Variants in DACH1 observed in about 807,000 individuals in gnomAD.
DACH1 encodes the protein dachshund family transcription factor 1, also known as dachshund homolog 1.
DACH1 carries 12 observed loss-of-function variants against 54.2 expected under a neutral mutation model. That is an observed-to-expected ratio of 0.22 (90% CI 0.14 to 0.36). DACH1 has a LOEUF of 0.36. Among genes scored for constraint, DACH1 ranks in the 10% least tolerant of loss-of-function variants. The pLI is 1.00. For missense variants in DACH1, 805 were observed against 929.8 expected (o/e 0.87, Z 1.75); for synonymous variants, 386 against 366.2 (o/e 1.05, Z -0.62).
At chr13:71,837,189 C>T (rs780758928) in intron 1 of DACH1, among the ~76,000 whole-genome samples, 8 of 151,866 alleles carry the variant, frequency 5.3e-5, no homozygotes, top group Non-Finnish European at 7.4e-5. Flanking sequence ...TATACTTCCT[C>T]ATTTGGAATT....
chr13:71,849,632 C>T (rs1873530440), intron 1 of DACH1, among the ~76,000 whole-genome samples: 1 of 152,148 alleles, frequency 6.6e-6, no homozygotes, highest in Non-Finnish European at 1.5e-5. Context: ...TGGCCTGACT[C>T]CTTATTTCCC....
intron 1 of DACH1, among the ~76,000 whole-genome samples, chr13:71,697,228 G>A (rs1466124821): frequency 6.6e-6 from 1 of 152,070 alleles, no homozygotes; most frequent in South Asian, 2.1e-4. Context: ...GTAGGGACTC[G>A]ATAAATATTT....
At chr13:71,720,677 T>C (rs1196828638) in intron 1 of DACH1, among the ~76,000 whole-genome samples, 1 of 152,210 alleles carries the variant, frequency 6.6e-6, no homozygotes, top group African/African-American at 2.4e-5. Flanking sequence ...AAGTGCATTA[T>C]ATAAATGTCT....
intron 4 of DACH1, among the ~76,000 whole-genome samples, chr13:71,565,262 C>G (rs1217316826): frequency 6.6e-6 from 1 of 152,098 alleles, no homozygotes; most frequent in Non-Finnish European, 1.5e-5. Flanking sequence ...TTGACCAGCA[C>G]TTTATATAAC....
intron 1 of DACH1, among the ~76,000 whole-genome samples, chr13:71,826,343 A>C (rs1888378331): frequency 6.6e-6 from 1 of 152,078 alleles, no homozygotes; most frequent in Admixed American, 6.6e-5. Flanking sequence ...AGTCTTTCCT[A>C]CTTTTCAAGA....
intron 6 of DACH1, among the ~76,000 whole-genome samples, chr13:71,491,556 A>T (rs1231125813): frequency 6.6e-6 from 1 of 152,174 alleles, no homozygotes; most frequent in Non-Finnish European, 1.5e-5. Flanking sequence ...CTACGTAAGG[A>T]CGCTTTAATT....
intron 10 of DACH1, among the ~76,000 whole-genome samples, chr13:71,473,230 G>A (rs1566280064): frequency 6.6e-6 from 1 of 152,064 alleles, no homozygotes; most frequent in African/African-American, 2.4e-5. Flanking sequence ...AAGTGAGTGA[G>A]GATTTTCTAT....
At chr13:71,784,112 A>G (rs1162942519) in intron 1 of DACH1, among the ~76,000 whole-genome samples, 1 of 152,110 alleles carries the variant, frequency 6.6e-6, no homozygotes, top group Non-Finnish European at 1.5e-5. Flanking sequence ...AAGGTGATGT[A>G]TACTTTAGCA....
chr13:71,685,438 T>C (rs897058300), intron 1 of DACH1, among the ~76,000 whole-genome samples: 11 of 152,184 alleles, frequency 7.2e-5, no homozygotes. Flanking sequence ...TGAAAGAAAA[T>C]ACTTGTAGGG....
At position 71,641,435 on chromosome 13, in the gene DACH1, C is replaced by T. The variant is rs993630119; in HGVS notation, c.965-10718G>A. ...TTTACTTCTTTGTCATTAGGTCTAG[C>T]ATTTATAACAACATCTCATTTAAGC... On this transcript the variant is annotated intron_variant, in intron 2 of 10. Transcript: ENST00000613252. 2.0e-5 allele frequency among the ~76,000 whole-genome samples: 3 copies of T among 152,060 alleles called. No homozygotes were observed. The East Asian group carries it at 5.8e-4, about 29-fold the overall frequency.
intron 2 of DACH1, among the ~76,000 whole-genome samples, chr13:71,675,813 T>A (rs1263798618): frequency 6.6e-6 from 1 of 152,218 alleles, no homozygotes; most frequent in Non-Finnish European, 1.5e-5. Flanking sequence ...TGGATTTTTT[T>A]AAAACAAGTA....
At chr13:71,815,764 G>A (rs1443987548) in intron 1 of DACH1, among the ~76,000 whole-genome samples, 1 of 152,164 alleles carries the variant, frequency 6.6e-6, no homozygotes, top group East Asian at 1.9e-4. Context: ...CAACATAAAA[G>A]AAGGTTAACA....
chr13:71,575,577 C>A (rs1352231407), intron 3 of DACH1, among the ~76,000 whole-genome samples: 1 of 151,906 alleles, frequency 6.6e-6, no homozygotes, highest in Non-Finnish European at 1.5e-5. Context: ...TATTAAGGTA[C>A]AAAATATTAT....
intron 10 of DACH1, among the ~76,000 whole-genome samples, chr13:71,445,587 C>T (rs895068444): frequency 1.3e-5 from 2 of 152,094 alleles, no homozygotes; most frequent in African/African-American, 4.8e-5. Flanking sequence ...CAGAATCCAC[C>T]GGAGGCAGAA....
chr13:71,561,873 A>G (rs1424497898), intron 4 of DACH1, among the ~76,000 whole-genome samples: 1 of 152,130 alleles, frequency 6.6e-6, no homozygotes. Context: ...ACCCTGACAA[A>G]TAAAATGAAA....
At chr13:71,526,178 A>G (rs1881939865) in intron 6 of DACH1, among the ~76,000 whole-genome samples, 1 of 152,200 alleles carries the variant, frequency 6.6e-6, no homozygotes, top group African/African-American at 2.4e-5. Flanking sequence ...AATATGGAAT[A>G]ATGCAGAGAC....
At chr13:71,638,994 CTT>C (rs1341659288) in intron 2 of DACH1, among the ~76,000 whole-genome samples, 7 of 152,110 alleles carry the variant, frequency 4.6e-5, no homozygotes, top group Admixed American at 3.9e-4. Context: ...CCTATAGACT[CTT>C]TGCAAAACTC....
At chr13:71,543,314 A>T (rs11839334) in intron 6 of DACH1, among the ~76,000 whole-genome samples, 13,505 of 152,160 alleles carry the variant, frequency 0.089, 1,196 homozygotes, top group African/African-American at 0.23. Context: ...TCTTTTATGC[A>T]TATTTAATCC....
At chr13:71,660,265 C>G (rs980229756) in intron 2 of DACH1, among the ~76,000 whole-genome samples, 39 of 152,050 alleles carry the variant, frequency 2.6e-4, no homozygotes, top group African/African-American at 9.4e-4. Context: ...ACATGCAGGG[C>G]ACTTTATGCC....
Sources: allele counts gnomAD v4.1 joint callset (sites outside exome capture counted in the v4.1 genomes callset), GRCh38; gene constraint gnomAD v4.1.1; transcripts MANE v1.5; gene names NCBI Gene and HGNC (gene_info 2026-07-23, HGNC 2026-07-21).